BABAM2: variants seen among roughly 807,000 people sequenced by gnomAD.
The protein encoded by BABAM2 is BRISC and BRCA1 A complex member 2.
In BABAM2, 31 loss-of-function variants were observed where a neutral mutation model predicts 54.7. The observed-to-expected ratio is 0.57, with a 90% confidence interval of 0.43 to 0.77. BABAM2 has a LOEUF of 0.77. BABAM2 is among the 30% of genes least tolerant of loss of function. The pLI, the probability that BABAM2 is intolerant of heterozygous loss-of-function variation, is 0.00. For missense variants in BABAM2, 364 were observed against 455.8 expected (o/e 0.80, Z 1.83); for synonymous variants, 167 against 162.9 (o/e 1.03, Z -0.19).
chr2:27,903,874 A>G (rs1194375180), intron 2 of BABAM2, among the ~76,000 whole-genome samples: 2 of 152,056 alleles, frequency 1.3e-5, no homozygotes, highest in Non-Finnish European at 2.9e-5. Context: ...TTAATTCCTT[A>G]TTAAGTCAAG....
At chr2:28,220,027 C>T (rs1394509604) in intron 7 of BABAM2, among the ~76,000 whole-genome samples, 5 of 152,114 alleles carry the variant, frequency 3.3e-5, no homozygotes, top group African/African-American at 7.3e-5. Flanking sequence ...TTTCTGACGA[C>T]GTGCTTTCAC....
intron 7 of BABAM2, among the ~76,000 whole-genome samples, chr2:28,147,897 A>T (rs1442352158): frequency 1.3e-5 from 2 of 152,138 alleles, no homozygotes; most frequent in Non-Finnish European, 2.9e-5. Context: ...TGCCTGCTGG[A>T]TGAATGACCC....
At chr2:28,194,031 A>G (rs930362313) in intron 7 of BABAM2, among the ~76,000 whole-genome samples, 3 of 152,164 alleles carry the variant, frequency 2.0e-5, no homozygotes, top group Admixed American at 6.5e-5. Context: ...GGTCAGGGGA[A>G]GGACACTTGA....
chr2:27,896,346 CA>C (rs1665323329), intron 2 of BABAM2: 1 of 157,768 alleles, frequency 6.3e-6, no homozygotes, highest in African/African-American at 2.4e-5. Flanking sequence ...GTATAGATAA[CA>C]AAGATGATGG....
At chr2:28,052,639 A>G (rs1474472320) in intron 6 of BABAM2, among the ~76,000 whole-genome samples, 1 of 152,176 alleles carries the variant, frequency 6.6e-6, no homozygotes, top group Non-Finnish European at 1.5e-5. Context: ...TGATATGCTT[A>G]AATATGATCA....
chr2:28,029,870 A>G (rs1362194655), intron 5 of BABAM2, among the ~76,000 whole-genome samples: 1 of 152,204 alleles, frequency 6.6e-6, no homozygotes, highest in East Asian at 1.9e-4. Flanking sequence ...TAATATGTTT[A>G]TATGGCTCAT....
At chr2:27,960,480 C>T (rs540578833) in intron 3 of BABAM2, among the ~76,000 whole-genome samples, 1 of 151,886 alleles carries the variant, frequency 6.6e-6, no homozygotes, top group East Asian at 1.9e-4. Context: ...AGCTAGCATT[C>T]TGTGGTTATT....
At chr2:28,061,038 G>A (rs927599958) in intron 6 of BABAM2, among the ~76,000 whole-genome samples, 1 of 152,038 alleles carries the variant, frequency 6.6e-6, no homozygotes, top group Non-Finnish European at 1.5e-5. Flanking sequence ...TGAAAAAGAA[G>A]AACAAAATTG....
intron 7 of BABAM2, among the ~76,000 whole-genome samples, chr2:28,224,778 A>G (rs900532512): frequency 6.6e-6 from 1 of 150,690 alleles, no homozygotes; most frequent in Admixed American, 6.6e-5. Context: ...CAATGTTTTG[A>G]CACACCACCA....
At chr2:27,896,828 C>A in intron 2 of BABAM2, 2 of 217,930 alleles carry the variant, frequency 9.2e-6, no homozygotes, top group South Asian at 1.1e-4. Flanking sequence ...CCACATTGCT[C>A]AGCTGGGTCC....
At chr2:27,949,005 G>A (rs1234645153) in intron 3 of BABAM2, among the ~76,000 whole-genome samples, 4 of 152,140 alleles carry the variant, frequency 2.6e-5, no homozygotes, top group Admixed American at 2.0e-4. Flanking sequence ...GTCCTGTGGG[G>A]AAGGGAGACA....
chr2:28,110,339 TGTGGCTGGGTGTG>T (rs1233230492), intron 6 of BABAM2, among the ~76,000 whole-genome samples: 14 of 152,112 alleles, frequency 9.2e-5, no homozygotes, highest in Non-Finnish European at 1.9e-4. Context: ...TAAACACAGG[TGTGGCTGGGTGTG>T]GTGGCAGATG....
intron 11 of BABAM2, among the ~76,000 whole-genome samples, chr2:28,324,787 C>CAG (rs1690308490): frequency 1.3e-5 from 2 of 152,092 alleles, no homozygotes; most frequent in African/African-American, 4.8e-5. Context: ...AGAGTGCAGA[C>CAG]AGAGAGAGAC....
At chr2:28,253,838 G>A (rs1368980213) in intron 10 of BABAM2, among the ~76,000 whole-genome samples, 2 of 152,154 alleles carry the variant, frequency 1.3e-5, no homozygotes, top group African/African-American at 4.8e-5. Context: ...AAGACAACGG[G>A]GCATTAAGCT....
chr2:28,308,218 G>T, intron 11 of BABAM2: 1 of 328,926 alleles, frequency 3.0e-6, no homozygotes, highest in African/African-American at 2.2e-5. Context: ...CAAAGCGAAT[G>T]CTTTGAAGGC....
intron 2 of BABAM2, among the ~76,000 whole-genome samples, chr2:27,900,440 TAAG>T (rs1665692714): frequency 6.6e-6 from 1 of 152,144 alleles, no homozygotes; most frequent in Non-Finnish European, 1.5e-5. Flanking sequence ...CCTTACTTAA[TAAG>T]ACTGTGTATG....
At chr2:28,335,263 G>A (rs61067541) in intron 11 of BABAM2, among the ~76,000 whole-genome samples, 7 of 145,622 alleles carry the variant, frequency 4.8e-5, no homozygotes, top group Non-Finnish European at 8.9e-5. Flanking sequence ...TCCGCCTCCC[G>A]GGTTCAAGCG....
intron 7 of BABAM2, among the ~76,000 whole-genome samples, chr2:28,180,393 A>G (rs1001339117): frequency 1.3e-5 from 2 of 152,064 alleles, no homozygotes; most frequent in African/African-American, 2.4e-5. Flanking sequence ...TAAATAGTGC[A>G]TGGAAAACTG....
intron 9 of BABAM2, 23 bp downstream of exon 9, chr2:28,241,416 G>A (rs775928771): frequency 1.2e-5 from 20 of 1,606,312 alleles, no homozygotes; most frequent in South Asian, 9.9e-5. Context: ...CTGTTTGAAC[G>A]ATATACCGGT....
Sources: allele counts gnomAD v4.1 joint callset (sites outside exome capture counted in the v4.1 genomes callset), GRCh38; gene constraint gnomAD v4.1.1; transcripts MANE v1.5; gene names NCBI Gene and HGNC (gene_info 2026-07-23, HGNC 2026-07-21).